The following NR3C2 variants were observed in gnomAD, a reference collection of about 807,000 sequenced individuals.
NR3C2 encodes nuclear receptor subfamily 3 group C member 2, also known as mineralocorticoid receptor.
In NR3C2, 15 loss-of-function variants were observed where a neutral mutation model predicts 86.4. The observed-to-expected ratio is 0.17, with a 90% CI of 0.12 to 0.27. The LOEUF (loss-of-function observed/expected upper bound fraction) is 0.27. Among genes scored for constraint, NR3C2 ranks in the 10% least tolerant of loss-of-function variants. NR3C2 has a pLI of 1.00. For synonymous variants in NR3C2, 458 were observed against 450.5 expected, an observed-to-expected ratio of 1.02 and a Z score of -0.21; for missense variants, 960 against 1,195.6, an observed-to-expected ratio of 0.80 and a Z score of 2.91.
intron 2 of NR3C2, among the ~76,000 whole-genome samples, chr4:148,376,239 G>C (rs1465444466): frequency 6.6e-6 from 1 of 151,514 alleles, no homozygotes; most frequent in African/African-American, 2.4e-5. Context: ...GGTGTAGAAG[G>C]AGAAAGTAAA....
At chr4:148,165,655 G>A (rs1734846388) in intron 4 of NR3C2, among the ~76,000 whole-genome samples, 1 of 152,044 alleles carries the variant, frequency 6.6e-6, no homozygotes, top group African/African-American at 2.4e-5. Flanking sequence ...GAATACTAAT[G>A]CTGCGATTAT....
intron 2 of NR3C2, among the ~76,000 whole-genome samples, chr4:148,317,359 AAAAAAAAG>A (rs1175961253): frequency 2.0e-5 from 3 of 151,782 alleles, no homozygotes; most frequent in Non-Finnish European, 4.4e-5. Context: ...CTGTCTCAAA[AAAAAAAAG>A]AAAAAAAGAA....
intron 2 of NR3C2, among the ~76,000 whole-genome samples, chr4:148,325,266 T>C (rs1221565852): frequency 6.6e-6 from 1 of 152,232 alleles, no homozygotes; most frequent in African/African-American, 2.4e-5. Context: ...AAGACATCTT[T>C]GGCCTTGTAT....
chr4:148,120,199 T>C lies in NR3C2; in HGVS notation c.2600A>G (p.Glu867Gly). 1 of 1,614,168 alleles carries C rather than the reference T, an allele frequency of 6.2e-7. No individual in the cohort carries two copies. Among genetic ancestry groups the C allele is most frequent in the Non-Finnish European group, 8.5e-7 (1 of 1,180,010 alleles). The change falls in exon 7 of 9, where the codon GAA (glutamate) becomes GGA (glycine). Residue 867 changes from glutamate (E) to glycine (G), a missense_variant. Glu to Gly is a moderately conservative substitution (Grantham distance 98, BLOSUM62 -2). Around this residue, in one of 4 missense-constraint regions of NR3C2, gnomAD observed 151 missense variants for 296.3 expected, o/e 0.51. Coordinates refer to ENST00000358102, the MANE Select transcript of NR3C2 (RefSeq NM_000901.5). ...LQFVRLQLTF[E>G]EYTIMKVLLL... is the part of the protein sequence containing the mutation. ...CAAAACTTTCATGATGGTGTATTCT[T>C]CAAAGGTGAGCTGCAGTCGAACGAA...
At chr4:148,333,536 T>TAAAAA (rs372805275) in intron 2 of NR3C2, among the ~76,000 whole-genome samples, 1 of 151,564 alleles carries the variant, frequency 6.6e-6, no homozygotes, top group Non-Finnish European at 1.5e-5. Context: ...AAAGTCTCCT[T>TAAAAA]AAAATCTCCC....
rs185941709 is a variant in NR3C2 at position 148,426,625 on chromosome 4, G to A, written c.1757+8479C>T. ...AATTCTGTCTCCTTCATTAGGATGC[G>A]TTGTTCATCTTCTCAGTGGGGCACT... On this transcript the variant is annotated intron_variant, in intron 2 of 8. Transcript: ENST00000358102. Among the ~76,000 whole-genome samples the A allele has an allele frequency of 1.5e-3, 227 of 152,246 alleles. No individual in the cohort carries two copies. In the Middle Eastern group the frequency reaches 0.017, roughly 11 times the overall value.
chr4:148,389,115 C>T (rs1220800907), intron 2 of NR3C2, among the ~76,000 whole-genome samples: 1 of 152,196 alleles, frequency 6.6e-6, no homozygotes, highest in Non-Finnish European at 1.5e-5. Flanking sequence ...TCTACCAAGG[C>T]ATTACACTTG....
intron 2 of NR3C2, among the ~76,000 whole-genome samples, chr4:148,377,469 T>C (rs1320859302): frequency 6.6e-6 from 1 of 152,094 alleles, no homozygotes; most frequent in Non-Finnish European, 1.5e-5. Context: ...AGACAAGGGA[T>C]TGGCTCAGTG....
chr4:148,442,465 A>G, upstream of NR3C2: 1 of 184,594 alleles, frequency 5.4e-6, no homozygotes, highest in African/African-American at 2.4e-5. Context: ...AGGGAGGGAG[A>G]GAGGGCGGGC....
chr4:148,143,722 G>A lies in NR3C2; in HGVS notation c.2510+8747C>T, dbSNP rs1156745726. Among the ~76,000 whole-genome samples, 17 of 152,030 alleles carry A rather than the reference G, an allele frequency of 1.1e-4. 1 individual carries two copies. The highest frequency in any genetic ancestry group is 1.1e-3 in the Admixed American group (17 of 15,254). ...GCACTTTGGGAGGCCGAGGCGGGTG[G>A]ATCACCTCAGGTCAGGAGTTCGAGA... On this transcript the variant is annotated intron_variant, in intron 6 of 8. Transcript: ENST00000358102.
intron 3 of NR3C2, among the ~76,000 whole-genome samples, chr4:148,211,361 C>T (rs544710898): frequency 3.9e-5 from 6 of 152,204 alleles, no homozygotes; most frequent in South Asian, 4.1e-4. Context: ...TGTGATCACA[C>T]GAGAATCTTT....
At chr4:148,341,780 G>C (rs897060011) in intron 2 of NR3C2, among the ~76,000 whole-genome samples, 1 of 151,982 alleles carries the variant, frequency 6.6e-6, no homozygotes, top group African/African-American at 2.4e-5. Context: ...AGCAGCAATG[G>C]CTACCCAGAA....
At chr4:148,323,489 C>T (rs1224361574) in intron 2 of NR3C2, among the ~76,000 whole-genome samples, 1 of 148,854 alleles carries the variant, frequency 6.7e-6, no homozygotes, top group Non-Finnish European at 1.5e-5. Context: ...TGGCTGCAGC[C>T]TTGCAGTTTG....
At chr4:148,193,340 G>C (rs1450308102) in intron 4 of NR3C2, among the ~76,000 whole-genome samples, 1 of 152,210 alleles carries the variant, frequency 6.6e-6, no homozygotes, top group African/African-American at 2.4e-5. Flanking sequence ...GTGTCTCCCA[G>C]GTCCTCCGGG....
chr4:148,203,878 A>G (rs900706018), intron 3 of NR3C2, among the ~76,000 whole-genome samples: 4 of 152,156 alleles, frequency 2.6e-5, no homozygotes, highest in Non-Finnish European at 2.9e-5. Context: ...TGCCAGGGGG[A>G]AAAAGAACTG....
intron 1 of NR3C2, among the ~76,000 whole-genome samples, chr4:148,440,710 A>G (rs1315183848): frequency 1.3e-5 from 2 of 152,242 alleles, no homozygotes; most frequent in Non-Finnish European, 2.9e-5. Context: ...CACAAAAGAA[A>G]TGCTGTTTTC....
chr4:148,251,930 G>A (rs1739598269), intron 3 of NR3C2, among the ~76,000 whole-genome samples: 1 of 151,960 alleles, frequency 6.6e-6, no homozygotes, highest in African/African-American at 2.4e-5. Flanking sequence ...CTTTTTGATG[G>A]GTAAAAATAG....
At chr4:148,182,135 A>G (rs1205511540) in intron 4 of NR3C2, among the ~76,000 whole-genome samples, 1 of 152,262 alleles carries the variant, frequency 6.6e-6, no homozygotes, top group Non-Finnish European at 1.5e-5. Context: ...GTAAAGAAGA[A>G]GGCGGGTAAA....
chr4:148,349,514 G>A (rs1048113985), intron 2 of NR3C2, among the ~76,000 whole-genome samples: 6 of 152,044 alleles, frequency 3.9e-5, no homozygotes, highest in African/African-American at 1.2e-4. Context: ...ACCTTCTGCA[G>A]GGTAGCCCCA....
Sources: gnomAD v4.1 joint callset for allele counts (sites outside exome capture counted in the v4.1 genomes callset) on GRCh38, gnomAD v4.1.1 for gene constraint, gnomAD v4.1.1 regional missense constraint, MANE v1.5 for transcripts, NCBI Gene and HGNC (gene_info 2026-07-23, HGNC 2026-07-21) for gene names.